The following ZNF791 variants were observed in gnomAD, a reference collection of about 807,000 sequenced individuals.
ZNF791 encodes the protein zinc finger protein 791.
Under a neutral mutation model 11.5 loss-of-function variants are expected in ZNF791, and 4 were observed. The observed-to-expected ratio is 0.35, with a 90% confidence interval of 0.17 to 0.80. The LOEUF (loss-of-function observed/expected upper bound fraction) is 0.80. Among genes scored for constraint, ZNF791 ranks in the 30% least tolerant of loss-of-function variants. ZNF791 has a pLI of 0.53. For synonymous variants in ZNF791, 212 were observed against 228.1 expected, an observed-to-expected ratio of 0.93 and a Z score of 0.64; for missense variants, 559 against 699.4, an observed-to-expected ratio of 0.80 and a Z score of 2.26.
At chr19:12,613,864 A>C (rs542871435) in intron 1 of ZNF791, among the ~76,000 whole-genome samples, 1 of 152,228 alleles carries the variant, frequency 6.6e-6, no homozygotes, top group South Asian at 2.1e-4. Context: ...CTGTTAGGGG[A>C]AGAGGGGAGG....
chr19:12,620,246 G>T (rs1228248993), intron 1 of ZNF791, among the ~76,000 whole-genome samples: 1 of 151,936 alleles, frequency 6.6e-6, no homozygotes, highest in Non-Finnish European at 1.5e-5. Context: ...TATAGTTATG[G>T]CTCACTGCAG....
At position 12,623,818 on chromosome 19, in the gene ZNF791, C is replaced by G. The variant is rs1215590641; in HGVS notation, c.122C>G (p.Ala41Gly). 6.4e-7 allele frequency: 1 copy of G among 1,567,194 alleles called. No homozygotes were observed. Among genetic ancestry groups the G allele is most frequent in the African/African-American group, 1.4e-5 (1 of 71,490 alleles). The change falls in exon 2 of 4, where the codon GCA becomes GGA. Residue 41 changes from alanine (A) to glycine (G), a missense_variant. By Grantham distance (60) the Ala-to-Gly change is moderately conservative. Transcript: ENST00000343325. ...DVMQETFKNL[A>G]SIGEKWEDPN... ...ATGCAGGAAACATTCAAGAACCTGG[C>G]ATCTATAGGTAAGGATGACATCATT...
rs2023479366 is a variant in ZNF791 at position 12,629,822 on chromosome 19, CAGTG to C, written c.*565_*568del. The C allele has an allele frequency of 7.2e-6, 1 of 139,194 alleles. No homozygotes were observed. The highest frequency in any genetic ancestry group is 1.5e-5 in the Non-Finnish European group (1 of 66,196). 8.6% of individuals were successfully genotyped at this position (139,194 alleles called of 1,614,324 possible). ...GCATAAACCCAGGAGGCCGAGCTGA[CAGTG>C]AGCTGAGATCCGGCCAACAGAGCGA... On this transcript the variant is annotated 3_prime_UTR_variant, in exon 4 of 4. Coordinates refer to ENST00000343325, the MANE Select transcript of ZNF791 (RefSeq NM_153358.3).
At chr19:12,617,760 C>CTTTTTTTT (rs1019193795) in intron 1 of ZNF791, among the ~76,000 whole-genome samples, 7 of 51,722 alleles carry the variant, frequency 1.4e-4, no homozygotes, top group Non-Finnish European at 2.1e-4. Context: ...TGCTGGAACT[C>CTTTTTTTT]TTTTTTTTTT....
rs750022929 is a variant in ZNF791, at chr19:12,627,693, G to A, written c.192-28G>A. ...ATATAAAATCATTAATACACAACCAGTATTACCGTGCTTCTAATTTTTTAC... is the reference window on the plus strand; with the variant it reads ...ATATAAAATCATTAATACACAACCAATATTACCGTGCTTCTAATTTTTTAC... On this transcript the variant is annotated intron_variant, in intron 3 of 3. Transcript: ENST00000343325. 2.6e-6 allele frequency: 4 copies of A among 1,561,666 alleles called. No homozygotes were observed. The South Asian group carries it at 4.6e-5, about 18-fold the overall frequency.
intron 1 of ZNF791, among the ~76,000 whole-genome samples, chr19:12,620,958 T>A (rs185399332): frequency 1.9e-4 from 29 of 151,698 alleles, no homozygotes; most frequent in African/African-American, 6.8e-4. Flanking sequence ...GCAGGGTTTC[T>A]CCATGTTGGC....
At position 12,631,747 on chromosome 19, in the gene ZNF791, G is replaced by C. The variant is rs2023503354; in HGVS notation, c.*2487G>C. On this transcript the variant is annotated 3_prime_UTR_variant, in exon 4 of 4. Coordinates refer to ENST00000343325, the MANE Select transcript of ZNF791 (RefSeq NM_153358.3). Reference sequence around the variant, plus strand: ...ACTCCATCCCACACACCAAAAAAAAGTTAAAAATTTTTTATCACTGGCTCA... The same window carrying C: ...ACTCCATCCCACACACCAAAAAAAACTTAAAAATTTTTTATCACTGGCTCA... 1 of 151,398 alleles carries C rather than the reference G, an allele frequency of 6.6e-6. No homozygotes were observed. Among genetic ancestry groups the C allele is most frequent in the African/African-American group, 2.4e-5 (1 of 41,126 alleles). 9.4% of individuals were successfully genotyped at this position (151,398 alleles called of 1,614,324 possible).
In ZNF791 at chr19:12,628,363, A is replaced by G. The variant is rs1568290822; in HGVS notation, c.834A>G (p.Gly278=). The G allele has an allele frequency of 1.2e-6, 2 of 1,609,816 alleles. No individual in the cohort carries two copies. The highest frequency in any genetic ancestry group is 8.5e-7 in the Non-Finnish European group (1 of 1,177,750). The change falls in exon 4 of 4, where the codon GGA becomes GGG. Residue 278 remains glycine (G), a synonymous_variant. Transcript: ENST00000343325. ...GACCTTATAAATGCAAAGAATGTGG[A>G]AAGGCATTCATTTTTCCCAGTTTTT... The part of the protein sequence containing the change: ...GDRPYKCKEC[G]KAFIFPSFLR...
chr19:12,619,899 CTTTA>C (rs33966943), intron 1 of ZNF791, among the ~76,000 whole-genome samples: 74,968 of 148,458 alleles, frequency 0.5, 21,635 homozygotes, highest in Non-Finnish European at 0.67. Context: ...TATATGAAAT[CTTTA>C]TTTATTTATT....
Position 12,626,384 on chromosome 19 carries a change from C to T in ZNF791, c.192-1337C>T, listed in dbSNP as rs558254648. 1.4e-3 allele frequency among the ~76,000 whole-genome samples: 212 copies of T among 151,106 alleles called. 1 individual carries two copies. Among genetic ancestry groups the T allele is most frequent in the South Asian group, 4.0e-3 (19 of 4,772 alleles). ...CTGGATGGTCTCGATCTCCTGACCT[C>T]GTGATCTGCCCGCCTCGGCCTCCCA... On this transcript the variant is annotated intron_variant, in intron 3 of 3. Transcript: ENST00000343325.
At chr19:12,616,808 T>C (rs1316145563) in intron 1 of ZNF791, among the ~76,000 whole-genome samples, 2 of 99,262 alleles carry the variant, frequency 2.0e-5, no homozygotes, top group East Asian at 4.2e-4. Context: ...TTTATTCTTT[T>C]AACACTTTCT....
intron 1 of ZNF791, among the ~76,000 whole-genome samples, chr19:12,615,012 C>CCTT (rs1349581247): frequency 2.0e-5 from 1 of 49,852 alleles, no homozygotes; most frequent in Non-Finnish European, 3.5e-5. Flanking sequence ...CTATGTTCAA[C>CCTT]TTTTTTTTTT....
At chr19:12,624,804 CTT>C (rs775608337) in intron 3 of ZNF791, 94 bp downstream of exon 3, 312 of 836,848 alleles carry the variant, frequency 3.7e-4, no homozygotes, top group South Asian at 6.3e-4. Context: ...AATCTCAGCA[CTT>C]TGAGAGGCTG....
rs761908601 is a variant in ZNF791, at chr19:12,628,644, G to A, written c.1115G>A (p.Arg372Gln). Reference sequence around the variant, plus strand: ...GCCTTTAGTAGAATCAGTTACTTTCGAATACATGAAAGGACTCACACTGGA... The same window carrying A: ...GCCTTTAGTAGAATCAGTTACTTTCAAATACATGAAAGGACTCACACTGGA... ...GKAFSRISYF[R>Q]IHERTHTGEK... Residue 372 changes from arginine to glutamine, a missense_variant, in exon 4 of 4, where the codon CGA (arginine) becomes CAA (glutamine). Transcript: ENST00000343325. 1.1e-5 allele frequency: 18 copies of A among 1,604,282 alleles called. No individual in the cohort carries two copies. Among genetic ancestry groups the A allele is most frequent in the Middle Eastern group, 1.7e-4 (1 of 6,024 alleles).
At chr19:12,626,954 G>A (rs541620905) in intron 3 of ZNF791, among the ~76,000 whole-genome samples, 1 of 152,234 alleles carries the variant, frequency 6.6e-6, no homozygotes, top group South Asian at 2.1e-4. Context: ...GCCAAGGTGA[G>A]CAGATCATTT....
chr19:12,626,940 G>A (rs1009541771), intron 3 of ZNF791, among the ~76,000 whole-genome samples: 5 of 152,144 alleles, frequency 3.3e-5, no homozygotes, highest in Admixed American at 1.3e-4. Flanking sequence ...TATAATTTCC[G>A]GAAGCCAAGG....
At chr19:12,627,552 G>C (rs919355692) in intron 3 of ZNF791, among the ~76,000 whole-genome samples, 169 bp from the exon 4 acceptor site, 1 of 152,196 alleles carries the variant, frequency 6.6e-6, no homozygotes, top group Non-Finnish European at 1.5e-5. Context: ...CTTGAAGCTG[G>C]GAGGTGGAGG....
intron 1 of ZNF791, among the ~76,000 whole-genome samples, chr19:12,615,807 C>G (rs954222033): frequency 6.6e-6 from 1 of 151,086 alleles, no homozygotes; most frequent in African/African-American, 2.4e-5. Context: ...AAAGATTGTA[C>G]CACAGATTGT....
chr19:12,629,014 T>G lies in ZNF791; in HGVS notation c.1485T>G (p.Pro495=), dbSNP rs778077366. ...AAAGAACTCACACTGGGGAGAAACC[T>G]TATGAATGTAAGGAATGCGGGAAGG... The part of the protein sequence containing the change: ...IHKRTHTGEK[P]YECKECGKAF... Residue 495 remains proline, a synonymous_variant, in exon 4 of 4, where the codon CCT becomes CCG. Coordinates refer to ENST00000343325, the MANE Select transcript of ZNF791 (RefSeq NM_153358.3). The G allele has an allele frequency of 8.1e-6, 13 of 1,613,714 alleles. No individual in the cohort carries two copies. The highest frequency in any genetic ancestry group is 1.1e-5 in the Non-Finnish European group (13 of 1,179,900).
Sources: allele counts gnomAD v4.1 joint callset (sites outside exome capture counted in the v4.1 genomes callset), GRCh38; gene constraint gnomAD v4.1.1; transcripts MANE v1.5; gene names NCBI Gene and HGNC (gene_info 2026-07-23, HGNC 2026-07-21).